DNMT3A: variants seen among roughly 807,000 people sequenced by gnomAD.
DNMT3A encodes DNA (cytosine-5)-methyltransferase 3A.
Under a neutral mutation model 117.6 loss-of-function variants are expected in DNMT3A, and 267 were observed. The observed-to-expected ratio is 2.27, with a 90% CI of 2.05 to 2.51. The LOEUF is 2.51. Among genes scored for constraint, DNMT3A ranks in the 30% most tolerant of loss-of-function variants. DNMT3A has a pLI of 0.00. For missense variants in DNMT3A, 1,029 were observed against 1,260.2 expected, an observed-to-expected ratio of 0.82 and a Z score of 2.78; for synonymous variants, 432 against 474.8, an observed-to-expected ratio of 0.91 and a Z score of 1.17.
Position 25,304,901 on chromosome 2 carries a change from C to G in DNMT3A, c.73-4658G>C, listed in dbSNP as rs932020191. On this transcript the variant is annotated intron_variant, in intron 2 of 22. Coordinates refer to ENST00000321117, the MANE Select transcript of DNMT3A (RefSeq NM_022552.5). This position sits in a 1 kb window ranked among gnomAD's most constrained non-coding sequence, Gnocchi z 4.3. ...GGATTCCCTGCCCCTAGGCCCCCTCCTCCCATCCCCTGCCTAGACTGAGCT... is the reference window on the plus strand; with the variant it reads ...GGATTCCCTGCCCCTAGGCCCCCTCGTCCCATCCCCTGCCTAGACTGAGCT... Among the ~76,000 whole-genome samples, 10 of 152,268 alleles carry G rather than the reference C, an allele frequency of 6.6e-5. No individual in the cohort carries two copies. The highest frequency in any genetic ancestry group is 1.3e-4 in the Non-Finnish European group (9 of 68,056).
intron 16 of DNMT3A, among the ~76,000 whole-genome samples, chr2:25,243,409 TTATC>T (rs1674312771): frequency 6.6e-6 from 1 of 151,824 alleles, no homozygotes; most frequent in South Asian, 2.1e-4. Flanking sequence ...CCCACTTAAT[TTATC>T]TATCTATGGA....
chr2:25,324,124 A>G (rs985666201), intron 1 of DNMT3A, among the ~76,000 whole-genome samples: 1 of 152,238 alleles, frequency 6.6e-6, no homozygotes, highest in African/African-American at 2.4e-5. Flanking sequence ...GAAGGAGGGC[A>G]CTGGAGCATG....
intron 3 of DNMT3A, among the ~76,000 whole-genome samples, chr2:25,289,042 C>G (rs954261667): frequency 6.6e-6 from 1 of 152,160 alleles, no homozygotes; most frequent in Admixed American, 6.5e-5. Flanking sequence ...CAATTCATAC[C>G]TCTGAATCTA....
intron 1 of DNMT3A, among the ~76,000 whole-genome samples, chr2:25,330,492 T>C (rs2034975549): frequency 6.6e-6 from 1 of 152,180 alleles, no homozygotes; most frequent in Middle Eastern, 3.2e-3. Context: ...CCCAGGGGTG[T>C]GGCTGCATGT....
At chr2:25,303,445 T>G (rs1372303787) in intron 2 of DNMT3A, among the ~76,000 whole-genome samples, 1 of 152,166 alleles carries the variant, frequency 6.6e-6, no homozygotes, top group East Asian at 1.9e-4. Context: ...CCCTGTTGGA[T>G]TCAATTCCGT....
chr2:25,259,581 G>C (rs1676436796), intron 6 of DNMT3A, among the ~76,000 whole-genome samples: 1 of 152,204 alleles, frequency 6.6e-6, no homozygotes, highest in Non-Finnish European at 1.5e-5. Flanking sequence ...TTCATGACAA[G>C]TTTGCTTTAG....
At chr2:25,290,542 G>A (rs773532332) in intron 3 of DNMT3A, among the ~76,000 whole-genome samples, 5 of 152,112 alleles carry the variant, frequency 3.3e-5, no homozygotes, top group African/African-American at 4.8e-5. Flanking sequence ...TGCTGGTCTC[G>A]AACTCCCAAC....
rs1195462909 is a variant in DNMT3A, at chr2:25,232,180, T to C, written c.*2099A>G. ...GCCCCATCTTTCTAGGGACGTGGAC[T>C]TGGGGCCATGTGCTTGCCGACACAC... On this transcript the variant is annotated 3_prime_UTR_variant, in exon 23 of 23. Coordinates refer to ENST00000321117, the MANE Select transcript of DNMT3A (RefSeq NM_022552.5). This position sits in a 1 kb window ranked among gnomAD's most constrained non-coding sequence, Gnocchi z 4.1. The C allele has an allele frequency of 6.6e-6, 1 of 152,132 alleles. No individual in the cohort carries two copies. 9.4% of individuals were successfully genotyped at this position (152,132 alleles called of 1,614,324 possible). A position where few individuals can be genotyped will look rare whatever the true frequency, so the allele number is the denominator to read the frequency against.
At position 25,312,641 on chromosome 2, in the gene DNMT3A, T is replaced by A. The variant is rs367571206; in HGVS notation, c.72+1272A>T. On this transcript the variant is annotated intron_variant, in intron 2 of 22. Coordinates refer to ENST00000321117, the MANE Select transcript of DNMT3A (RefSeq NM_022552.5). ...CAGCGGGGCTCAGCTTCCTCATCTG[T>A]AAACTGGGGCCATCTGTCCCTGCCC... Among the ~76,000 whole-genome samples, 571 of 152,306 alleles carry A rather than the reference T, an allele frequency of 3.7e-3. 5 individuals are homozygous for A. The South Asian group carries it at 0.042, about 11-fold the overall frequency.
At chr2:25,292,505 C>T (rs1052087887) in intron 3 of DNMT3A, among the ~76,000 whole-genome samples, 1 of 152,132 alleles carries the variant, frequency 6.6e-6, no homozygotes, top group African/African-American at 2.4e-5. Flanking sequence ...GAAAATGGTG[C>T]TATCTTTTCT....
chr2:25,251,126 G>C (rs1004702885), intron 6 of DNMT3A, among the ~76,000 whole-genome samples: 1 of 148,762 alleles, frequency 6.7e-6, no homozygotes, highest in East Asian at 2.0e-4. Context: ...ATCAGGACTG[G>C]GGCAGTGGGG....
At chr2:25,342,106 C>G (rs1226816980), upstream of DNMT3A, among the ~76,000 whole-genome samples, 1 of 144,700 alleles carries the variant, frequency 6.9e-6, no homozygotes, top group South Asian at 2.1e-4. This position sits in a 1 kb window ranked among gnomAD's most constrained non-coding sequence, Gnocchi z 5.9. Context: ...GCCGCTCGCC[C>G]CCCGCGGCCG....
intron 6 of DNMT3A, among the ~76,000 whole-genome samples, chr2:25,266,632 A>G (rs2030374791): frequency 6.6e-6 from 1 of 152,250 alleles, no homozygotes; most frequent in African/African-American, 2.4e-5. Flanking sequence ...GCAGGGTTGT[A>G]AAGTCAGAGG....
At chr2:25,326,104 ATATATG>A (rs1360443797) in intron 1 of DNMT3A, among the ~76,000 whole-genome samples, 20 of 110,014 alleles carry the variant, frequency 1.8e-4, no homozygotes, top group African/African-American at 8.1e-4. Flanking sequence ...TTAACTTGAT[ATATATG>A]TGTGTGTGTG....
chr2:25,272,806 T>C (rs1376932464), intron 6 of DNMT3A, among the ~76,000 whole-genome samples: 1 of 148,802 alleles, frequency 6.7e-6, no homozygotes, highest in Non-Finnish European at 1.5e-5. Flanking sequence ...ACTTTCTCTT[T>C]TTTTTTTTTT....
At chr2:25,271,798 C>T (rs2149360201) in intron 6 of DNMT3A, among the ~76,000 whole-genome samples, 1 of 152,274 alleles carries the variant, frequency 6.6e-6, no homozygotes, top group South Asian at 2.1e-4. Flanking sequence ...TAAATTAAAT[C>T]AACATTTTGG....
chr2:25,309,091 T>A (rs1438985584), intron 2 of DNMT3A, among the ~76,000 whole-genome samples: 1 of 152,114 alleles, frequency 6.6e-6, no homozygotes, highest in African/African-American at 2.4e-5. Flanking sequence ...GGAGAAGGCT[T>A]GATCAGAGGA....
At chr2:25,261,980 A>T (rs1676654288) in intron 6 of DNMT3A, among the ~76,000 whole-genome samples, 1 of 151,986 alleles carries the variant, frequency 6.6e-6, no homozygotes, top group South Asian at 2.1e-4. Flanking sequence ...AGATCAGGAG[A>T]TCAAGACCAT....
chr2:25,277,899 C>A (rs1161065221), intron 4 of DNMT3A, among the ~76,000 whole-genome samples: 1 of 151,844 alleles, frequency 6.6e-6, no homozygotes, highest in Non-Finnish European at 1.5e-5. Context: ...TCCCAGCCCC[C>A]CAAGCTCCCC....
Sources: allele counts gnomAD v4.1 joint callset (sites outside exome capture counted in the v4.1 genomes callset), GRCh38; gene constraint gnomAD v4.1.1; non-coding constraint Gnocchi (gnomAD v3.1); transcripts MANE v1.5; gene names NCBI Gene and HGNC (gene_info 2026-07-23, HGNC 2026-07-21).